ASIC2: variants seen among roughly 807,000 people sequenced by gnomAD.
The protein encoded by ASIC2 is acid-sensing ion channel 2.
In ASIC2, 25 loss-of-function variants were observed where a neutral mutation model predicts 57.3. The ratio of observed to expected loss-of-function variants is 0.44; its 90% CI spans 0.32 to 0.61. The LOEUF is 0.61. ASIC2 is among the 20% of genes least tolerant of loss of function. The probability of loss-of-function intolerance (pLI) is 0.06; values close to 1 mark genes in which losing one functional copy is unlikely to be tolerated. For synonymous variants in ASIC2, 319 were observed against 307.5 expected, an observed-to-expected ratio of 1.04 and a Z score of -0.39; for missense variants, 641 against 738.1, an observed-to-expected ratio of 0.87 and a Z score of 1.52.
intron 1 of ASIC2, among the ~76,000 whole-genome samples, chr17:33,346,589 G>C (rs548505271): frequency 1.4e-4 from 22 of 152,226 alleles, no homozygotes; most frequent in African/African-American, 4.8e-4. Flanking sequence ...CAAGAGTTTT[G>C]CTCTGGCCAC....
intron 1 of ASIC2, among the ~76,000 whole-genome samples, chr17:33,841,742 C>G (rs922449852): frequency 6.6e-6 from 1 of 152,172 alleles, no homozygotes; most frequent in Non-Finnish European, 1.5e-5. Context: ...TTTTGGTCAT[C>G]ATCACAAGAA....
chr17:33,419,606 G>A (rs1183460860), intron 1 of ASIC2, among the ~76,000 whole-genome samples: 1 of 152,174 alleles, frequency 6.6e-6, no homozygotes, highest in African/African-American at 2.4e-5. Context: ...AATTAAAAAC[G>A]TATTACTCTT....
chr17:33,626,148 T>A (rs1905975964), intron 1 of ASIC2, among the ~76,000 whole-genome samples: 1 of 152,216 alleles, frequency 6.6e-6, no homozygotes, highest in Admixed American at 6.5e-5. Flanking sequence ...TGGTCACTTC[T>A]AGGCCTTAAG....
At position 33,202,390 on chromosome 17, in the gene ASIC2, T is replaced by C. The variant is rs78904636; in HGVS notation, c.708+89018A>G. On this transcript the variant is annotated intron_variant, in intron 1 of 9. Transcript: ENST00000225823. Reference sequence around the variant, plus strand: ...GGAATGGTTTTCTCTCTAGGGAAGATTTTGAATAGGATTTCAGAGCAGGAA... The same window carrying C: ...GGAATGGTTTTCTCTCTAGGGAAGACTTTGAATAGGATTTCAGAGCAGGAA... Among the ~76,000 whole-genome samples the C allele has an allele frequency of 1.2e-3, 188 of 152,278 alleles. 7 individuals carry two copies. In the East Asian group the frequency reaches 0.035, roughly 28 times the overall value.
intron 1 of ASIC2, among the ~76,000 whole-genome samples, chr17:33,849,479 A>G (rs1286309762): frequency 1.3e-5 from 2 of 152,172 alleles, no homozygotes; most frequent in African/African-American, 4.8e-5. Flanking sequence ...CCAGGATCCA[A>G]GCCTACGTTT....
At chr17:33,609,325 G>T (rs533601942) in intron 1 of ASIC2, among the ~76,000 whole-genome samples, 2 of 152,198 alleles carry the variant, frequency 1.3e-5, no homozygotes, top group African/African-American at 4.8e-5. Context: ...GCCTGCTCCC[G>T]CTCCACTCCT....
Position 33,447,269 on chromosome 17 carries a change from A to T in ASIC2, c.556-335202T>A, listed in dbSNP as rs116501709. On this transcript the variant is annotated intron_variant, in intron 1 of 9. Transcript: ENST00000359872. ...GGCCAGAAAGATTAAGGCTAAATGC[A>T]TCTGAAGAAAAGCAGAGCCAGAGTC... 5.5e-3 allele frequency among the ~76,000 whole-genome samples: 739 copies of T among 135,398 alleles called. 4 individuals are homozygous for T. The highest frequency in any genetic ancestry group is 0.018 in the African/African-American group (688 of 37,534). 88.8% of individuals were successfully genotyped at this position (135,398 alleles called of 152,430 possible). A position where few individuals can be genotyped will look rare whatever the true frequency, so the allele number is the denominator to read the frequency against.
At chr17:33,846,216 G>T (rs902701150) in intron 1 of ASIC2, among the ~76,000 whole-genome samples, 6 of 152,156 alleles carry the variant, frequency 3.9e-5, no homozygotes, top group Admixed American at 6.5e-5. Context: ...GGCCAGATAG[G>T]GAGCAGGTTC....
chr17:33,143,196 T>A (rs1398023159), intron 1 of ASIC2, among the ~76,000 whole-genome samples: 1 of 152,194 alleles, frequency 6.6e-6, no homozygotes, highest in Non-Finnish European at 1.5e-5. Context: ...TCATGGATGC[T>A]AGCTTCAGGT....
intron 1 of ASIC2, among the ~76,000 whole-genome samples, chr17:33,400,317 C>G (rs1410439073): frequency 6.6e-6 from 1 of 152,184 alleles, no homozygotes; most frequent in African/African-American, 2.4e-5. Context: ...CTCAGGGAAT[C>G]TGTCAGGGTC....
At chr17:33,389,341 C>G (rs1313358205) in intron 1 of ASIC2, among the ~76,000 whole-genome samples, 2 of 152,168 alleles carry the variant, frequency 1.3e-5, no homozygotes, top group Non-Finnish European at 2.9e-5. Flanking sequence ...AACCAGTCAC[C>G]TGAGTCTGAA....
intron 1 of ASIC2, among the ~76,000 whole-genome samples, chr17:33,673,059 G>C (rs539175699): frequency 6.6e-6 from 1 of 152,204 alleles, no homozygotes; most frequent in African/African-American, 2.4e-5. Flanking sequence ...ACATAAAGAA[G>C]AGAAGTTACT....
chr17:33,892,991 T>C (rs571158571), intron 1 of ASIC2, among the ~76,000 whole-genome samples: 1 of 152,334 alleles, frequency 6.6e-6, no homozygotes, highest in Non-Finnish European at 1.5e-5. Context: ...CCCTGCAAGA[T>C]TTATGACCCA....
chr17:33,508,833 C>T (rs72823236), intron 1 of ASIC2, among the ~76,000 whole-genome samples: 11,200 of 152,204 alleles, frequency 0.074, 497 homozygotes, highest in Non-Finnish European at 0.11. Context: ...CTCACCAGCA[C>T]CATCATCTCC....
intron 1 of ASIC2, among the ~76,000 whole-genome samples, chr17:33,518,662 C>G (rs1914644730): frequency 1.3e-5 from 2 of 152,184 alleles, no homozygotes; most frequent in South Asian, 4.1e-4. Context: ...CACCTTACAA[C>G]AAATAAAGTG....
At chr17:33,575,331 G>A (rs967516699) in intron 1 of ASIC2, among the ~76,000 whole-genome samples, 1 of 152,222 alleles carries the variant, frequency 6.6e-6, no homozygotes, top group Non-Finnish European at 1.5e-5. Flanking sequence ...AAGTTCCATA[G>A]ATGCCATAGA....
chr17:33,994,375 C>T (rs1257634936), intron 1 of ASIC2, among the ~76,000 whole-genome samples: 5 of 152,168 alleles, frequency 3.3e-5, no homozygotes, highest in African/African-American at 4.8e-5. Flanking sequence ...GAACACGGCA[C>T]GGTGTCACTT....
At chr17:33,695,449 A>G (rs1171221264) in intron 1 of ASIC2, among the ~76,000 whole-genome samples, 1 of 152,230 alleles carries the variant, frequency 6.6e-6, no homozygotes. Context: ...TAAAAAATAC[A>G]TATGCATGCA....
intron 1 of ASIC2, among the ~76,000 whole-genome samples, chr17:33,511,695 C>A (rs932623719): frequency 6.6e-6 from 1 of 152,222 alleles, no homozygotes; most frequent in East Asian, 1.9e-4. Flanking sequence ...TTCATACTCA[C>A]TCTACTACCC....
Sources: allele counts gnomAD v4.1 joint callset (sites outside exome capture counted in the v4.1 genomes callset), GRCh38; gene constraint gnomAD v4.1.1; transcripts MANE v1.5; gene names NCBI Gene and HGNC (gene_info 2026-07-23, HGNC 2026-07-21).